ANKRD45: variants seen among roughly 807,000 people sequenced by gnomAD.
The protein encoded by ANKRD45 is ankyrin repeat domain-containing protein 45.
ANKRD45 carries 21 observed loss-of-function variants against 28.1 expected under a neutral mutation model. That is an observed-to-expected ratio of 0.75 (90% CI 0.53 to 1.08). ANKRD45 has a LOEUF of 1.08. Among genes scored for constraint, ANKRD45 ranks in the 50% least tolerant of loss-of-function variants. The probability of loss-of-function intolerance (pLI) is 0.00; values close to 1 mark genes in which losing one functional copy is unlikely to be tolerated. For synonymous variants in ANKRD45, 86 were observed against 103.9 expected (o/e 0.83, Z 1.05); for missense variants, 261 against 308.7 (o/e 0.85, Z 1.16).
chr1:173,697,393 A>G, the ANKRD45 span, among the ~76,000 whole-genome samples: 2 of 152,188 alleles, frequency 1.3e-5, no homozygotes, highest in Non-Finnish European at 2.9e-5. Context: ...ATGAAGGAAA[A>G]AATGTTAAGG....
At chr1:173,680,352 T>C in the ANKRD45 span, among the ~76,000 whole-genome samples, 3 of 152,146 alleles carry the variant, frequency 2.0e-5, no homozygotes, top group Non-Finnish European at 2.9e-5. Flanking sequence ...TGGAATACTA[T>C]GCAGTCATAA....
At chr1:173,636,758 TAACTA>T (rs1668462236) in intron 3 of ANKRD45, 3 of 1,065,626 alleles carry the variant, frequency 2.8e-6, no homozygotes, top group Non-Finnish European at 2.7e-6. Context: ...ACTATATTAT[TAACTA>T]TACTATAGTA....
intron 5 of ANKRD45, among the ~76,000 whole-genome samples, chr1:173,615,579 C>T (rs1667428031): frequency 6.6e-6 from 1 of 151,736 alleles, no homozygotes; most frequent in Non-Finnish European, 1.5e-5. Flanking sequence ...AATAAGGTGA[C>T]TTTAAATAGA....
chr1:173,702,869 T>C, the ANKRD45 span, among the ~76,000 whole-genome samples: 1 of 151,902 alleles, frequency 6.6e-6, no homozygotes, highest in Non-Finnish European at 1.5e-5. Context: ...ACAATAGACA[T>C]GCACCACCAC....
At chr1:173,612,311 G>A (rs865921193) in intron 5 of ANKRD45, among the ~76,000 whole-genome samples, 4 of 111,496 alleles carry the variant, frequency 3.6e-5, no homozygotes, top group African/African-American at 4.1e-5. Flanking sequence ...AAAGAAGGAA[G>A]GAAGGAAAGA....
chr1:173,704,098 C>T, the ANKRD45 span, among the ~76,000 whole-genome samples: 4 of 152,142 alleles, frequency 2.6e-5, no homozygotes, highest in African/African-American at 9.7e-5. Context: ...GCTCATGTCC[C>T]GCGGTGGGGA....
At chr1:173,683,299 T>C in the ANKRD45 span, among the ~76,000 whole-genome samples, 4 of 152,014 alleles carry the variant, frequency 2.6e-5, no homozygotes. Context: ...TCTACCATCC[T>C]AACAGCAGGA....
the ANKRD45 span, among the ~76,000 whole-genome samples, chr1:173,681,919 A>G: frequency 6.6e-6 from 1 of 151,848 alleles, no homozygotes; most frequent in African/African-American, 2.4e-5. Flanking sequence ...GCATGGTGGC[A>G]CGCACCTATA....
the ANKRD45 span, among the ~76,000 whole-genome samples, chr1:173,713,215 T>C: frequency 6.6e-6 from 1 of 152,198 alleles, no homozygotes. Flanking sequence ...GATTTGTACC[T>C]ATGTGTATCC....
the ANKRD45 span, among the ~76,000 whole-genome samples, chr1:173,701,984 T>C: frequency 6.6e-6 from 1 of 152,106 alleles, no homozygotes; most frequent in South Asian, 2.1e-4. Context: ...GGAGTGGTAA[T>C]GGCATTCAAA....
At chr1:173,625,145 T>A (rs894144577) in intron 4 of ANKRD45, among the ~76,000 whole-genome samples, 2 of 152,192 alleles carry the variant, frequency 1.3e-5, no homozygotes, top group African/African-American at 4.8e-5. Context: ...TATTTAATTT[T>A]AAATAATTCA....
the ANKRD45 span, among the ~76,000 whole-genome samples, chr1:173,708,700 C>T: frequency 6.6e-6 from 1 of 152,216 alleles, no homozygotes; most frequent in African/African-American, 2.4e-5. Flanking sequence ...TTTCTATCTG[C>T]TCAAATCTAC....
intron 5 of ANKRD45, among the ~76,000 whole-genome samples, chr1:173,623,169 G>T (rs909566674): frequency 5.3e-5 from 8 of 151,912 alleles, no homozygotes; most frequent in African/African-American, 1.7e-4. Flanking sequence ...ATAAAAATTA[G>T]CTGGGCATGG....
the ANKRD45 span, among the ~76,000 whole-genome samples, chr1:173,707,302 T>C: frequency 2.0e-5 from 3 of 152,202 alleles, no homozygotes; most frequent in African/African-American, 4.8e-5. Flanking sequence ...ATCTTTTTGC[T>C]TCTAGATTTT....
chr1:173,638,197 G>C (rs111509331), intron 3 of ANKRD45, among the ~76,000 whole-genome samples: 1,982 of 152,168 alleles, frequency 0.013, 23 homozygotes, highest in South Asian at 0.034. Flanking sequence ...GGGAAAAGGA[G>C]GAAGGTTAAC....
At chr1:173,641,654 C>A (rs1019762461) in intron 3 of ANKRD45, among the ~76,000 whole-genome samples, 5 of 152,148 alleles carry the variant, frequency 3.3e-5, no homozygotes, top group African/African-American at 1.2e-4. Flanking sequence ...ATCCAATTGA[C>A]TATCCCCTTC....
intron 2 of ANKRD45, among the ~76,000 whole-genome samples, chr1:173,647,680 A>G (rs1461459104): frequency 3.9e-5 from 6 of 152,316 alleles, no homozygotes; most frequent in South Asian, 4.1e-4. Flanking sequence ...TCTTTTTACT[A>G]CAATTCACTT....
At chr1:173,617,493 A>G (rs1667514796) in intron 5 of ANKRD45, among the ~76,000 whole-genome samples, 1 of 152,230 alleles carries the variant, frequency 6.6e-6, no homozygotes, top group Non-Finnish European at 1.5e-5. Flanking sequence ...TGCACAATGC[A>G]GCACAGCTGC....
At chr1:173,613,670 C>T (rs1428694570) in intron 5 of ANKRD45, among the ~76,000 whole-genome samples, 6 of 136,898 alleles carry the variant, frequency 4.4e-5, no homozygotes, top group Non-Finnish European at 9.1e-5. Flanking sequence ...CCCGCCTGGC[C>T]GCCGCCCCGT....
Sources: allele counts gnomAD v4.1 joint callset (sites outside exome capture counted in the v4.1 genomes callset), GRCh38; gene constraint gnomAD v4.1.1; transcripts MANE v1.5; gene names NCBI Gene and HGNC (gene_info 2026-07-23, HGNC 2026-07-21).